Variants in LRRK2 observed in about 807,000 individuals in gnomAD.
LRRK2 encodes leucine rich repeat kinase 2, also known as leucine-rich repeat serine/threonine-protein kinase 2.
LRRK2 carries 203 observed loss-of-function variants against 302.6 expected under a neutral mutation model. That is an observed-to-expected ratio of 0.67 (90% CI 0.60 to 0.75). LRRK2 has a LOEUF of 0.75. Ranked by LOEUF, LRRK2 falls within the 30% of genes least tolerant of loss-of-function variation. LRRK2 has a pLI of 0.00. For missense variants in LRRK2, 2,830 were observed against 2,951.0 expected (o/e 0.96, Z 0.95); for synonymous variants, 1,066 against 1,031.9 (o/e 1.03, Z -0.63).
At chr12:40,275,195 G>T (rs1164669981) in intron 16 of LRRK2, among the ~76,000 whole-genome samples, 3 of 152,196 alleles carry the variant, frequency 2.0e-5, no homozygotes, top group Non-Finnish European at 2.9e-5. Context: ...AATCTCTAAA[G>T]TCAGCATGGT....
At chr12:40,265,971 C>A (rs1040910719) in intron 14 of LRRK2, among the ~76,000 whole-genome samples, 1 of 152,176 alleles carries the variant, frequency 6.6e-6, no homozygotes, top group Non-Finnish European at 1.5e-5. Context: ...GAAACTGGAT[C>A]CCTTCCTTAC....
intron 18 of LRRK2, among the ~76,000 whole-genome samples, chr12:40,279,782 C>T (rs1011066698): frequency 9.2e-5 from 14 of 152,112 alleles, no homozygotes; most frequent in African/African-American, 3.4e-4. Flanking sequence ...CTTTTTAAAA[C>T]GAAATCTTAA....
chr12:40,301,029 A>AT, intron 25 of LRRK2: 1 of 463,466 alleles, frequency 2.2e-6, no homozygotes, highest in Non-Finnish European at 4.4e-6. Flanking sequence ...AATTGAGGAA[A>AT]TTGAAGCCGT....
chr12:40,235,798 T>G (rs1332705721), intron 4 of LRRK2, 84 bp downstream of exon 4: 68 of 696,756 alleles, frequency 9.8e-5, no homozygotes, highest in Admixed American at 6.7e-4. Context: ...TGTGTGTTTT[T>G]TTTTTTTTTT....
intron 37 of LRRK2, 96 bp from the exon 38 acceptor site, chr12:40,323,064 T>G (rs970582868): frequency 6.9e-6 from 7 of 1,013,270 alleles, no homozygotes; most frequent in Middle Eastern, 2.1e-4. Context: ...TTAGAAATTA[T>G]AGAAAATATT....
chr12:40,270,143 G>C (rs369465592), intron 14 of LRRK2, among the ~76,000 whole-genome samples: 4 of 152,140 alleles, frequency 2.6e-5, no homozygotes, highest in South Asian at 2.1e-4. Context: ...CATAGTATGC[G>C]CTCAATAAAT....
chr12:40,353,768 G>T (rs557411090), intron 44 of LRRK2, among the ~76,000 whole-genome samples: 2 of 152,254 alleles, frequency 1.3e-5, no homozygotes, highest in East Asian at 1.9e-4. Context: ...GATCACTCGC[G>T]GTTAGGAGCT....
At position 40,299,102 on chromosome 12, in the gene LRRK2, T is replaced by A; in HGVS notation, c.3348-7T>A. Reference sequence around the variant, plus strand: ...AATTTAATCATTATCTTGTCTCTTGTGACTAGAAATAAAATATCAGGGATA... The same window carrying A: ...AATTTAATCATTATCTTGTCTCTTGAGACTAGAAATAAAATATCAGGGATA... On this transcript the variant is annotated splice_region_variant and splice_polypyrimidine_tract_variant and intron_variant, in intron 24 of 50. Coordinates refer to ENST00000298910, the MANE Select transcript of LRRK2 (RefSeq NM_198578.4). The A allele has an allele frequency of 6.2e-7, 1 of 1,611,888 alleles. No individual in the cohort carries two copies. Among genetic ancestry groups the A allele is most frequent in the Non-Finnish European group, 8.5e-7 (1 of 1,178,844 alleles).
intron 38 of LRRK2, among the ~76,000 whole-genome samples, chr12:40,327,429 C>G (rs945858703): frequency 2.6e-5 from 4 of 152,076 alleles, no homozygotes; most frequent in South Asian, 2.1e-4. Flanking sequence ...ATCTTTGAAC[C>G]CAGACATTAG....
At chr12:40,306,925 A>G (rs1376206602) in intron 28 of LRRK2, among the ~76,000 whole-genome samples, 1 of 152,042 alleles carries the variant, frequency 6.6e-6, no homozygotes, top group Non-Finnish European at 1.5e-5. Context: ...ATCCTACCCA[A>G]TTATTTTTCT....
At chr12:40,279,511 T>C (rs1943598586) in intron 18 of LRRK2, among the ~76,000 whole-genome samples, 1 of 152,172 alleles carries the variant, frequency 6.6e-6, no homozygotes, top group Non-Finnish European at 1.5e-5. Flanking sequence ...TTAATACATT[T>C]TTACTGTGCA....
intron 31 of LRRK2, chr12:40,313,043 C>T (rs1358575442): frequency 6.6e-6 from 1 of 151,744 alleles, no homozygotes; most frequent in Admixed American, 6.6e-5. Flanking sequence ...TAGAAAAAGA[C>T]CAAGTTAATT....
intron 1 of LRRK2, 107 bp downstream of exon 1, chr12:40,225,389 CT>C: frequency 7.1e-7 from 1 of 1,403,754 alleles, no homozygotes; most frequent in East Asian, 2.4e-5. Flanking sequence ...AACCCGGACT[CT>C]TAAGGAGCCG....
chr12:40,308,391 A>G (rs912757640), intron 28 of LRRK2, 76 bp from the exon 29 acceptor site: 14 of 1,084,766 alleles, frequency 1.3e-5, no homozygotes, highest in Admixed American at 2.0e-5. Flanking sequence ...ATAGTGTGAC[A>G]TGTAAAAGAA....
At chr12:40,247,428 ATCT>A (rs1312228415) in intron 7 of LRRK2, among the ~76,000 whole-genome samples, 2 of 100,650 alleles carry the variant, frequency 2.0e-5, no homozygotes, top group African/African-American at 5.9e-5. Context: ...ATATATATGA[ATCT>A]ACTTATATAC....
In LRRK2 at chr12:40,298,997, ATTAATGAGTCCTC is replaced by A. The variant is rs1283045737; in HGVS notation, c.3348-109_3348-97del. 5 of 968,906 alleles carry A rather than the reference ATTAATGAGTCCTC, an allele frequency of 5.2e-6. No homozygotes were observed. The East Asian group carries it at 1.5e-4, about 28-fold the overall frequency. 60.0% of individuals were successfully genotyped at this position (968,906 alleles called of 1,614,324 possible). On this transcript the variant is annotated intron_variant, in intron 24 of 50. Coordinates refer to ENST00000298910, the MANE Select transcript of LRRK2 (RefSeq NM_198578.4). Reference sequence around the variant, plus strand: ...TTACATTTTTACAACTAATTTTTAAATTAATGAGTCCTCTTTGATGCTGTTCTTTGAAAGCAAA... The same window carrying A: ...TTACATTTTTACAACTAATTTTTAAATTTGATGCTGTTCTTTGAAAGCAAA...
Position 40,367,714 on chromosome 12 carries a change from T to G in LRRK2, c.7533T>G (p.Ile2511Met), listed in dbSNP as rs757049368. 3 of 1,604,836 alleles carry G rather than the reference T, an allele frequency of 1.9e-6. No homozygotes were observed. The African/African-American group carries it at 4.0e-5, about 22-fold the overall frequency. The change falls in exon 51 of 51, where the codon ATT becomes ATG. Residue 2511 changes from isoleucine (I) to methionine (M), a missense_variant. Ile to Met is a conservative substitution (Grantham distance 10). This residue lies in a region of LRRK2 where 456 missense variants were observed against 456.3 expected (regional missense o/e 1.00). Transcript: ENST00000298910. ...PHEVQNLEKH[I>M]EVRKELAEKM... Reference sequence around the variant, plus strand: ...AAGTGCAAAATTTAGAAAAACACATTGAAGTGAGAAAAGAATTAGCTGAAA... The same window carrying G: ...AAGTGCAAAATTTAGAAAAACACATGGAAGTGAGAAAAGAATTAGCTGAAA...
chr12:40,240,501 C>T lies in LRRK2; in HGVS notation c.590C>T (p.Thr197Ile), dbSNP rs2136430973. The change falls in exon 6 of 51, where the codon ACT becomes ATT. Residue 197 changes from threonine (T) to isoleucine (I), a missense_variant. Coordinates refer to ENST00000298910, the MANE Select transcript of LRRK2 (RefSeq NM_198578.4). ...TTTTAAGTCTCAGAGGAGCAACTGA[C>T]TGAATTTGTTGAGAACAAAGATTAT... ...LFERVSEEQL[T>I]EFVENKDYMI... 6.2e-7 allele frequency: 1 copy of T among 1,612,984 alleles called. No individual in the cohort carries two copies. The highest frequency in any genetic ancestry group is 8.5e-7 in the Non-Finnish European group (1 of 1,179,376).
chr12:40,337,412 G>C lies in LRRK2; in HGVS notation c.5948+2255G>C, dbSNP rs715402. Among the ~76,000 whole-genome samples the C allele has an allele frequency of 2.0e-5, 3 of 152,248 alleles. No individual in the cohort carries two copies. In the East Asian group the frequency reaches 5.8e-4, roughly 29 times the overall value. On this transcript the variant is annotated intron_variant, in intron 40 of 50. Coordinates refer to ENST00000298910, the MANE Select transcript of LRRK2 (RefSeq NM_198578.4). ...GAAAATACAGTCAACTGCATTTTCT[G>C]TATGTTTCTGTGTTTCAATATCTTC...
Sources: gnomAD v4.1 joint callset for allele counts (sites outside exome capture counted in the v4.1 genomes callset) on GRCh38, gnomAD v4.1.1 for gene constraint, gnomAD v4.1.1 regional missense constraint, MANE v1.5 for transcripts, NCBI Gene and HGNC (gene_info 2026-07-23, HGNC 2026-07-21) for gene names.